The following MARCHF1 variants were observed in gnomAD, a reference collection of about 807,000 sequenced individuals.
The protein encoded by MARCHF1 is E3 ubiquitin-protein ligase MARCHF1.
A neutral mutation model predicts 54.2 loss-of-function variants in MARCHF1; 40 were observed. That is an observed-to-expected ratio of 0.74 (90% CI 0.57 to 0.96). MARCHF1 has a LOEUF of 0.96. MARCHF1 is among the 40% of genes least tolerant of loss of function. MARCHF1 has a pLI of 0.00. For missense variants in MARCHF1, 586 were observed against 656.5 expected (o/e 0.89, Z 1.17); for synonymous variants, 236 against 236.3 (o/e 1.00, Z 0.01).
chr4:163,964,066 A>G (rs181790751), intron 3 of MARCHF1, among the ~76,000 whole-genome samples: 3 of 151,990 alleles, frequency 2.0e-5, no homozygotes, highest in Non-Finnish European at 4.4e-5. Context: ...CTGGGACCCC[A>G]GAGCTCGAAC....
chr4:164,008,569 C>T (rs1182696270), intron 2 of MARCHF1, among the ~76,000 whole-genome samples: 1 of 151,974 alleles, frequency 6.6e-6, no homozygotes, highest in African/African-American at 2.4e-5. Context: ...CTCCAGAATA[C>T]ACCACATCTT....
At chr4:164,228,343 T>C (rs1732315587) in intron 1 of MARCHF1, among the ~76,000 whole-genome samples, 1 of 152,226 alleles carries the variant, frequency 6.6e-6, no homozygotes, top group Non-Finnish European at 1.5e-5. Context: ...AGCTATAGAC[T>C]GAATTAAACA....
intron 2 of MARCHF1, among the ~76,000 whole-genome samples, chr4:164,107,170 A>G (rs1313863253): frequency 1.3e-5 from 2 of 152,190 alleles, no homozygotes; most frequent in East Asian, 3.9e-4. Flanking sequence ...TAAAAAAATT[A>G]TCTAATTTTG....
At chr4:163,619,125 A>G (rs1472250758) in intron 5 of MARCHF1, among the ~76,000 whole-genome samples, 1 of 152,196 alleles carries the variant, frequency 6.6e-6, no homozygotes, top group East Asian at 1.9e-4. Context: ...AGTCAAGATG[A>G]AAAAGTAGAT....
intron 4 of MARCHF1, among the ~76,000 whole-genome samples, chr4:163,711,018 C>G (rs549239861): frequency 6.6e-6 from 1 of 152,070 alleles, no homozygotes; most frequent in African/African-American, 2.4e-5. Flanking sequence ...GAACAAAAAA[C>G]TTGCCACACC....
chr4:163,786,817 C>T (rs1249166669), intron 4 of MARCHF1, among the ~76,000 whole-genome samples: 1 of 151,976 alleles, frequency 6.6e-6, no homozygotes, highest in Admixed American at 6.6e-5. Flanking sequence ...AGTGGCCTCA[C>T]ACTTCCTGAT....
chr4:163,726,979 T>C (rs1745674223), intron 4 of MARCHF1, among the ~76,000 whole-genome samples: 1 of 152,220 alleles, frequency 6.6e-6, no homozygotes, highest in South Asian at 2.1e-4. Flanking sequence ...CCTTTACTAC[T>C]AGTTATTTAT....
chr4:164,041,565 C>T (rs1754129666), intron 2 of MARCHF1, among the ~76,000 whole-genome samples: 1 of 152,210 alleles, frequency 6.6e-6, no homozygotes, highest in South Asian at 2.1e-4. Flanking sequence ...TAACAAAAAC[C>T]ATTATATTTT....
At chr4:163,737,164 C>T (rs9991891) in intron 4 of MARCHF1, among the ~76,000 whole-genome samples, 54,271 of 71,846 alleles carry the variant, frequency 0.76, 19,836 homozygotes, top group Non-Finnish European at 0.86. Context: ...TTTTTTCTTT[C>T]TTTTTTTTTT....
At chr4:164,061,757 C>T (rs1206807890) in intron 2 of MARCHF1, among the ~76,000 whole-genome samples, 1 of 151,736 alleles carries the variant, frequency 6.6e-6, no homozygotes, top group African/African-American at 2.4e-5. Flanking sequence ...TAAAAATGTA[C>T]ATACTTTAAA....
intron 1 of MARCHF1, among the ~76,000 whole-genome samples, chr4:164,348,701 G>A (rs1356847593): frequency 6.6e-6 from 1 of 152,078 alleles, no homozygotes; most frequent in African/African-American, 2.4e-5. Context: ...AAGCATTATG[G>A]AAAAACAGCA....
At chr4:164,063,121 G>A (rs1205537910) in intron 2 of MARCHF1, among the ~76,000 whole-genome samples, 1 of 152,160 alleles carries the variant, frequency 6.6e-6, no homozygotes, top group Non-Finnish European at 1.5e-5. Context: ...TAGAACACAG[G>A]CAGAGTATAC....
chr4:164,122,187 C>A (rs1235391524), intron 1 of MARCHF1, among the ~76,000 whole-genome samples: 1 of 152,110 alleles, frequency 6.6e-6, no homozygotes, highest in Non-Finnish European at 1.5e-5. Flanking sequence ...ATAAAAGGAA[C>A]ATGCCTCAAC....
rs959366146 is a variant in MARCHF1, at chr4:163,528,622, G to GAAAA, written c.*122_*125dup. ...TCCTTTCCTCTTTGAACAAAGTCAG[G>GAAAA]AAAAATGTGTCAGTAGGAGAAAGGA... On this transcript the variant is annotated 3_prime_UTR_variant, in exon 10 of 10. Transcript: ENST00000514618. 6 of 999,642 alleles carry GAAAA rather than the reference G, an allele frequency of 6.0e-6. No homozygotes were observed. The South Asian group carries it at 8.8e-5, about 15-fold the overall frequency. 61.9% of individuals were successfully genotyped at this position (999,642 alleles called of 1,614,324 possible).
chr4:164,027,727 A>T lies in MARCHF1; in HGVS notation c.-247-39018T>A, dbSNP rs528150895. 1.8e-3 allele frequency among the ~76,000 whole-genome samples: 269 copies of T among 152,270 alleles called. 1 individual carries two copies. Among genetic ancestry groups the T allele is most frequent in the Non-Finnish European group, 2.7e-3 (185 of 68,010 alleles). The stretch of plus-strand genomic sequence containing the variant: ...TGGCTAAGTTCCCAAAAGCAATGAC[A>T]ACAAAAACAAAAATTAGTAAGTGAG... On this transcript the variant is annotated intron_variant, in intron 2 of 9. Transcript: ENST00000514618.
intron 1 of MARCHF1, among the ~76,000 whole-genome samples, chr4:164,357,874 C>T (rs1443349981): frequency 6.6e-6 from 1 of 152,018 alleles, no homozygotes; most frequent in Non-Finnish European, 1.5e-5. Context: ...TCCCTAAAAC[C>T]TCAGAAGAAA....
chr4:163,771,071 A>C (rs911534529), intron 4 of MARCHF1, among the ~76,000 whole-genome samples: 3 of 152,218 alleles, frequency 2.0e-5, no homozygotes, highest in African/African-American at 7.2e-5. Flanking sequence ...TTTATAGAAA[A>C]ATAGTGACCA....
At chr4:164,375,664 C>T (rs531053663) in intron 1 of MARCHF1, among the ~76,000 whole-genome samples, 1 of 152,228 alleles carries the variant, frequency 6.6e-6, no homozygotes, top group East Asian at 1.9e-4. Flanking sequence ...TACTGCTCCC[C>T]TACTACATGC....
chr4:164,152,512 G>C (rs990618725), intron 1 of MARCHF1, among the ~76,000 whole-genome samples: 8 of 151,812 alleles, frequency 5.3e-5, no homozygotes, highest in African/African-American at 1.9e-4. Context: ...TATGAAACAA[G>C]GAAAAAAATA....
Sources: gnomAD v4.1 joint callset for allele counts (sites outside exome capture counted in the v4.1 genomes callset) on GRCh38, gnomAD v4.1.1 for gene constraint, MANE v1.5 for transcripts, NCBI Gene and HGNC (gene_info 2026-07-23, HGNC 2026-07-21) for gene names.